Variants in MED24 observed in about 807,000 individuals in gnomAD.
MED24 encodes mediator complex subunit 24.
In MED24, 74 loss-of-function variants were observed where a neutral mutation model predicts 118.8. The observed-to-expected ratio is 0.62, with a 90% CI of 0.52 to 0.76. The LOEUF is 0.76. MED24 is among the 30% of genes least tolerant of loss of function. MED24 has a pLI of 0.00. For missense variants in MED24, 1,041 were observed against 1,278.9 expected, an observed-to-expected ratio of 0.81 and a Z score of 2.84; for synonymous variants, 521 against 523.9, an observed-to-expected ratio of 0.99 and a Z score of 0.08.
intron 14 of MED24, 126 bp from the exon 15 acceptor site, chr17:40,028,072 C>A: frequency 1.0e-6 from 1 of 956,156 alleles, no homozygotes. Context: ...TAAAATGAGA[C>A]ACATTGCTAT....
intron 3 of MED24, among the ~76,000 whole-genome samples, chr17:40,043,228 A>C (rs567983254): frequency 6.6e-6 from 1 of 151,842 alleles, no homozygotes; most frequent in Non-Finnish European, 1.5e-5. Flanking sequence ...GAGCCACCAC[A>C]CCCGGCCTGT....
At chr17:40,029,034 A>G (rs1983058233) in intron 13 of MED24, 66 bp from the exon 14 acceptor site, 1 of 1,598,058 alleles carries the variant, frequency 6.3e-7, no homozygotes, top group Non-Finnish European at 8.6e-7. Context: ...GATACAGCCT[A>G]GCCACATTTT....
chr17:40,045,958 T>C, intron 3 of MED24, among the ~76,000 whole-genome samples: 1 of 150,682 alleles, frequency 6.6e-6, no homozygotes, highest in Non-Finnish European at 1.5e-5. Context: ...TTTGTATTTT[T>C]AGTAGAGATG....
intron 6 of MED24, 138 bp downstream of exon 6, chr17:40,034,979 G>A (rs1256321704): frequency 1.9e-6 from 3 of 1,606,804 alleles, no homozygotes; most frequent in South Asian, 1.1e-5. Context: ...AATGCTTATG[G>A]GGAGAAAAAA....
chr17:40,023,015 C>A, intron 20 of MED24, 116 bp downstream of exon 20: 1 of 1,437,124 alleles, frequency 7.0e-7, no homozygotes. Context: ...GCGAGGCATT[C>A]CGGGGAGGCC....
chr17:40,028,028 A>T, intron 14 of MED24, 82 bp from the exon 15 acceptor site: 1 of 1,368,722 alleles, frequency 7.3e-7, no homozygotes. Context: ...ATGTTCAGAG[A>T]GCGATAGCTA....
In MED24 at chr17:40,035,220, G is replaced by T. The variant is rs1354386067; in HGVS notation, c.456C>A (p.Ala152=). The T allele has an allele frequency of 2.5e-6, 4 of 1,613,934 alleles. No individual in the cohort carries two copies. The highest frequency in any genetic ancestry group is 2.7e-5 in the African/African-American group (2 of 74,932). ...ACATGGCAAGCTGCTTCTCCCCAGC[G>T]GCTGGAGTGCCGGCCTCCAGCCCCT... ...LREGLEAGTP[A]AGEKQLAMCL... The change falls in exon 6 of 26, where the codon GCC becomes GCA. Residue 152 remains alanine (A), a synonymous_variant. Transcript: ENST00000394128.
intron 18 of MED24, 42 bp downstream of exon 18, chr17:40,026,605 T>C (rs201473936): frequency 8.4e-5 from 129 of 1,543,398 alleles, no homozygotes; most frequent in Middle Eastern, 3.4e-4. Flanking sequence ...TGGCTGGCTC[T>C]GTGTCTCAGG....
chr17:40,031,011 TC>T, intron 12 of MED24, 147 bp downstream of exon 12: 1 of 715,194 alleles, frequency 1.4e-6, no homozygotes, highest in Middle Eastern at 2.6e-4. Context: ...TGCTTTCTTT[TC>T]CTTCCTGTTC....
intron 3 of MED24, among the ~76,000 whole-genome samples, chr17:40,042,715 G>T (rs1019767388): frequency 1.3e-5 from 2 of 151,990 alleles, no homozygotes; most frequent in African/African-American, 4.8e-5. Flanking sequence ...AAATATACTA[G>T]GGTGTCAAAA....
At chr17:40,037,409 C>T (rs887681716) in intron 3 of MED24, among the ~76,000 whole-genome samples, 7 of 152,124 alleles carry the variant, frequency 4.6e-5, no homozygotes, top group Admixed American at 3.9e-4. Flanking sequence ...CATCATTACA[C>T]GGCGGGTGCC....
intron 18 of MED24, 77 bp from the exon 19 acceptor site, chr17:40,026,408 G>A (rs1568158635): frequency 1.9e-6 from 3 of 1,548,920 alleles, no homozygotes; most frequent in South Asian, 1.2e-5. Flanking sequence ...AGCCTCTGCG[G>A]GCAGCTAAGT....
In MED24 at chr17:40,026,734, C is replaced by T; in HGVS notation, c.1722G>A (p.Trp574Ter). The part of the protein sequence containing the change: ...SSEMKLVQMK[W>*]HEACLSISAA... ...CTGAGATGCTGAGACAGGCCTCATGCCACTTCATCTGCCTGCGGGTGTGCA... is the reference window on the plus strand; with the variant it reads ...CTGAGATGCTGAGACAGGCCTCATGTCACTTCATCTGCCTGCGGGTGTGCA... The change falls in exon 18 of 26, where the codon TGG becomes TGA. Residue 574 changes from tryptophan to a stop codon, truncating the protein, a stop_gained. Transcript: ENST00000394128. LOFTEE classifies it high-confidence loss of function. 1 of 1,611,888 alleles carries T rather than the reference C, an allele frequency of 6.2e-7. No homozygotes were observed. The highest frequency in any genetic ancestry group is 2.2e-5 in the East Asian group (1 of 44,828).
chr17:40,022,948 G>T (rs570237394), intron 20 of MED24, 122 bp from the exon 21 acceptor site: 2 of 1,347,930 alleles, frequency 1.5e-6, no homozygotes, highest in African/African-American at 1.5e-5. Flanking sequence ...ATGTTGCTCC[G>T]CCCCTCAGGC....
intron 6 of MED24, 154 bp downstream of exon 6, chr17:40,034,963 G>A: frequency 1.9e-6 from 3 of 1,591,636 alleles, no homozygotes; most frequent in Non-Finnish European, 2.6e-6. Context: ...TCCCTGGGAT[G>A]TGTGCAATGC....
At chr17:40,023,501 A>C (rs1982286582) in intron 19 of MED24, 106 bp from the exon 20 acceptor site, 15 of 1,197,998 alleles carry the variant, frequency 1.3e-5, no homozygotes, top group East Asian at 9.6e-5. Flanking sequence ...GGTTACGGAA[A>C]TCTCCCTGAG....
At chr17:40,049,561 T>G (rs1019299760) in intron 3 of MED24, among the ~76,000 whole-genome samples, 3 of 152,248 alleles carry the variant, frequency 2.0e-5, no homozygotes, top group Middle Eastern at 6.8e-3. Flanking sequence ...GGAGTCTCGC[T>G]CTGTCACCAG....
chr17:40,053,608 C>A lies in MED24; in HGVS notation c.-10G>T. ...GGTTGACCACCTTCATTATTTCACT[C>A]TGAGCAGGTGGCAGCGGTGGCGGCC... On this transcript the variant is annotated 5_prime_UTR_variant, in exon 2 of 26. Coordinates refer to ENST00000394128, the MANE Select transcript of MED24 (RefSeq NM_014815.4). 1 of 1,614,142 alleles carries A rather than the reference C, an allele frequency of 6.2e-7. No individual in the cohort carries two copies. Among genetic ancestry groups the A allele is most frequent in the Non-Finnish European group, 8.5e-7 (1 of 1,180,046 alleles).
Position 40,032,178 on chromosome 17 carries a change from C to A in MED24, c.937-88G>T. 6.9e-7 allele frequency: 1 copy of A among 1,446,934 alleles called. No individual in the cohort carries two copies. The highest frequency in any genetic ancestry group is 2.3e-5 in the East Asian group (1 of 44,054). 89.6% of individuals were successfully genotyped at this position (1,446,934 alleles called of 1,614,324 possible). ...GAAGGCATCCCCCCGAACCCCTGCT[C>A]CAGGAAGAGAGACAGGAACACTCCT... On this transcript the variant is annotated intron_variant, in intron 9 of 25. Transcript: ENST00000394128.
Sources: gnomAD v4.1 joint callset for allele counts (sites outside exome capture counted in the v4.1 genomes callset) on GRCh38, gnomAD v4.1.1 for gene constraint, MANE v1.5 for transcripts, NCBI Gene and HGNC (gene_info 2026-07-23, HGNC 2026-07-21) for gene names.